WDR36: variants seen among roughly 807,000 people sequenced by gnomAD.
WDR36 encodes WD repeat domain 36.
Under a neutral mutation model 112.7 loss-of-function variants are expected in WDR36, and 63 were observed. The observed-to-expected ratio is 0.56, with a 90% CI of 0.46 to 0.69. The LOEUF (loss-of-function observed/expected upper bound fraction) is 0.69. WDR36 is among the 30% of genes least tolerant of loss of function. WDR36 has a pLI of 0.00. For synonymous variants in WDR36, 410 were observed against 362.2 expected (o/e 1.13, Z -1.50); for missense variants, 1,226 against 1,070.3 (o/e 1.15, Z -2.03).
At chr5:111,107,942 T>A (rs1753252018) in intron 12 of WDR36, among the ~76,000 whole-genome samples, 1 of 151,298 alleles carries the variant, frequency 6.6e-6, no homozygotes, top group Admixed American at 6.6e-5. Context: ...TTTTTGTTCT[T>A]TTTTCAAGAT....
chr5:111,127,830 C>A lies in WDR36; in HGVS notation c.*947C>A, dbSNP rs1753703748. 1 of 212,082 alleles carries A rather than the reference C, an allele frequency of 4.7e-6. No individual in the cohort carries two copies. The highest frequency in any genetic ancestry group is 9.6e-6 in the Non-Finnish European group (1 of 104,670). The allele number at this position is 212,082 out of a possible 1,614,324, so 13.1% of individuals were successfully genotyped here. On this transcript the variant is annotated 3_prime_UTR_variant, in exon 23 of 23. Transcript: ENST00000513710. ...CTGAAAAGGTAAAAATTCCATAAAT[C>A]CTTGCAAACAATTTTTAGCAATATT...
chr5:111,113,454 CA>C (rs1444936364), intron 16 of WDR36, among the ~76,000 whole-genome samples: 2 of 151,962 alleles, frequency 1.3e-5, no homozygotes, highest in Non-Finnish European at 2.9e-5. Flanking sequence ...TTTGATACTC[CA>C]AAATAAAGCT....
chr5:111,101,501 C>G (rs1192341637), intron 5 of WDR36, among the ~76,000 whole-genome samples: 1 of 151,774 alleles, frequency 6.6e-6, no homozygotes. Flanking sequence ...CATAATCTCC[C>G]ATAGATATGG....
rs1167402141 is a variant in WDR36, at chr5:111,120,559, A to T, written c.1968A>T (p.Ser656=). ...CACTTCCTGCAGATTATGTCCCTTC[A>T]ATAGTCATGCTTCCTGGTACTTGTC... The part of the protein sequence containing the change: ...LRPLPADYVP[S]IVMLPGTCQT... Residue 656 remains serine (S), a synonymous_variant, in exon 18 of 23, where the codon TCA becomes TCT. Coordinates refer to ENST00000513710, the MANE Select transcript of WDR36 (RefSeq NM_139281.3). The T allele has an allele frequency of 1.9e-6, 3 of 1,613,114 alleles. No homozygotes were observed. Among genetic ancestry groups the T allele is most frequent in the Non-Finnish European group, 2.5e-6 (3 of 1,179,310 alleles).
At chr5:111,112,592 T>C (rs1753365221) in intron 15 of WDR36, among the ~76,000 whole-genome samples, 1 of 152,010 alleles carries the variant, frequency 6.6e-6, no homozygotes, top group Non-Finnish European at 1.5e-5. Context: ...TTATCCATTT[T>C]CATAGCTAGA....
At chr5:111,123,674 AC>A (rs1330031273) in intron 19 of WDR36, 130 bp from the exon 20 acceptor site, 1 of 1,233,502 alleles carries the variant, frequency 8.1e-7, no homozygotes, top group Non-Finnish European at 1.1e-6. Flanking sequence ...TCATATTTTA[AC>A]ATTCTTATGT....
In WDR36 at chr5:111,124,088, T is replaced by C. The variant is rs75034668; in HGVS notation, c.2269-20T>C. On this transcript the variant is annotated intron_variant, in intron 20 of 22. Transcript: ENST00000513710. The stretch of plus-strand genomic sequence containing the variant: ...TGATACTTGAATTATTTGAATAATG[T>C]GTATTTGTTTTTGTTTAAGTCTAAA... 7.2e-4 allele frequency: 1,163 copies of C among 1,609,654 alleles called. 9 individuals are homozygous for C. The African/African-American group carries it at 0.013, about 18-fold the overall frequency.
At position 111,118,999 on chromosome 5, in the gene WDR36, A is replaced by T. The variant is rs750824625; in HGVS notation, c.1797-14A>T. ...AGAGTTCAAATACTTTTAACATGTT[A>T]ATTATTTCTGTAGCCTTATAGACTG... is the stretch of plus-strand genomic sequence containing the variant. On this transcript the variant is annotated splice_polypyrimidine_tract_variant and intron_variant, in intron 16 of 22. Transcript: ENST00000513710. 6.3e-7 allele frequency: 1 copy of T among 1,596,402 alleles called. No individual in the cohort carries two copies. Among genetic ancestry groups the T allele is most frequent in the Non-Finnish European group, 8.6e-7 (1 of 1,164,228 alleles).
rs538614885 is a variant in WDR36, at chr5:111,130,493, T to C, written c.*3610T>C. 22 of 172,414 alleles carry C rather than the reference T, an allele frequency of 1.3e-4. No individual in the cohort carries two copies. The highest frequency in any genetic ancestry group is 4.5e-4 in the African/African-American group (19 of 42,144). The allele number at this position is 172,414 out of a possible 1,614,324, so 10.7% of individuals were successfully genotyped here. ...TATATATATGATATAATAAACACTT[T>C]TTGACATTCTGGGAGTTTTACTTTT... On this transcript the variant is annotated 3_prime_UTR_variant, in exon 23 of 23. Transcript: ENST00000513710.
At chr5:111,117,280 G>A (rs1450761032) in intron 16 of WDR36, among the ~76,000 whole-genome samples, 4 of 152,084 alleles carry the variant, frequency 2.6e-5, no homozygotes. Context: ...TCTAATTGTT[G>A]TCTTTTCTTT....
chr5:111,107,154 T>C, intron 11 of WDR36, 140 bp from the exon 12 acceptor site: 1 of 954,562 alleles, frequency 1.0e-6, no homozygotes, highest in Non-Finnish European at 1.6e-6. Flanking sequence ...TCTTGTTAGA[T>C]TGGAAACATA....
intron 4 of WDR36, among the ~76,000 whole-genome samples, 153 bp from the exon 5 acceptor site, chr5:111,100,436 C>T (rs1403069944): frequency 6.6e-6 from 1 of 151,748 alleles, no homozygotes; most frequent in Non-Finnish European, 1.5e-5. Context: ...TTTTATTTCT[C>T]AAGGAATGTT....
rs1402071953 is a variant in WDR36 at position 111,111,374 on chromosome 5, T to C, written c.1716+96T>C. The stretch of plus-strand genomic sequence containing the variant: ...CCTTAAAATCATTATATGAGGTGGT[T>C]ATCAATTTTAATTTGCAGGCTATTT... On this transcript the variant is annotated intron_variant, in intron 15 of 22. Coordinates refer to ENST00000513710, the MANE Select transcript of WDR36 (RefSeq NM_139281.3). The C allele has an allele frequency of 1.5e-5, 15 of 988,610 alleles. No homozygotes were observed. The Admixed American group carries it at 2.6e-4, about 17-fold the overall frequency. 61.2% of individuals were successfully genotyped at this position (988,610 alleles called of 1,614,324 possible).
intron 3 of WDR36, 96 bp from the exon 4 acceptor site, chr5:111,098,626 A>G (rs777799103): frequency 2.1e-5 from 18 of 849,710 alleles, no homozygotes; most frequent in Non-Finnish European, 3.4e-5. Flanking sequence ...TCTTAACAGA[A>G]GCATCTCAGG....
At position 111,110,169 on chromosome 5, in the gene WDR36, G is replaced by A. The variant is rs1329156591; in HGVS notation, c.1327-20G>A. On this transcript the variant is annotated intron_variant, in intron 12 of 22. Coordinates refer to ENST00000513710, the MANE Select transcript of WDR36 (RefSeq NM_139281.3). ...AAAAATGTTAGTTATTTTGTCATTT[G>A]TGGGTTTTTTTTCTTAAAGGCAGTG... 4 of 1,548,854 alleles carry A rather than the reference G, an allele frequency of 2.6e-6. No homozygotes were observed. The highest frequency in any genetic ancestry group is 1.8e-6 in the Non-Finnish European group (2 of 1,121,776).
chr5:111,113,112 G>T lies in WDR36; in HGVS notation c.1755G>T (p.Ala585=), dbSNP rs144806510. Residue 585 remains alanine, a synonymous_variant, in exon 16 of 23, where the codon GCG becomes GCT. Transcript: ENST00000513710. ...SPDGRWLISA[A]MDCSIRTWDL... is the part of the protein sequence containing the mutation. ...ATGGTCGTTGGTTAATAAGTGCTGC[G>T]ATGGATTGCTCTATTAGGACTTGGG... 59 of 1,577,252 alleles carry T rather than the reference G, an allele frequency of 3.7e-5. No individual in the cohort carries two copies. In the African/African-American group the frequency reaches 7.0e-4, roughly 19 times the overall value.
chr5:111,124,447 C>T (rs1157295438), intron 21 of WDR36, among the ~76,000 whole-genome samples: 1 of 152,024 alleles, frequency 6.6e-6, no homozygotes, highest in African/African-American at 2.4e-5. Context: ...GAGATGGACA[C>T]AGTTATTGAC....
rs981728062 is a variant in WDR36 at position 111,126,880 on chromosome 5, G to A, written c.2685G>A (p.Leu895=). The change falls in exon 23 of 23, where the codon TTG becomes TTA. Residue 895 remains leucine (L), a synonymous_variant. Transcript: ENST00000513710. ...TAAATTATCTCAAAAGTGCTTTGTT[G>A]TAAAAATAAATTTGTGACTAAACAA... ...CILNYLKSAL[L] 3.1e-6 allele frequency: 5 copies of A among 1,596,530 alleles called. No homozygotes were observed. The highest frequency in any genetic ancestry group is 2.7e-5 in the African/African-American group (2 of 74,184).
chr5:111,110,050 A>G, intron 12 of WDR36, 139 bp from the exon 13 acceptor site: 1 of 667,118 alleles, frequency 1.5e-6, no homozygotes, highest in East Asian at 2.8e-5. Context: ...ACTTTATGTT[A>G]AAAAAACTAA....
Sources: allele counts gnomAD v4.1 joint callset (sites outside exome capture counted in the v4.1 genomes callset), GRCh38; gene constraint gnomAD v4.1.1; transcripts MANE v1.5; gene names NCBI Gene and HGNC (gene_info 2026-07-23, HGNC 2026-07-21).